KIF26B: variants seen among roughly 807,000 people sequenced by gnomAD.
KIF26B encodes kinesin family member 26B.
Under a neutral mutation model 151.2 loss-of-function variants are expected in KIF26B, and 63 were observed. The observed-to-expected ratio is 0.42, with a 90% CI of 0.34 to 0.51. The LOEUF (loss-of-function observed/expected upper bound fraction) is 0.51. Ranked by LOEUF, KIF26B falls within the 20% of genes least tolerant of loss-of-function variation. KIF26B has a pLI of 0.07. For synonymous variants in KIF26B, 1,357 were observed against 1,262.1 expected (o/e 1.08, Z -1.59); for missense variants, 2,813 against 2,913.6 (o/e 0.97, Z 0.79).
intron 5 of KIF26B, among the ~76,000 whole-genome samples, chr1:245,585,458 G>T (rs2043214795): frequency 6.6e-6 from 1 of 152,020 alleles, no homozygotes; most frequent in Non-Finnish European, 1.5e-5. Context: ...AGAAATGTCT[G>T]TCTAGTCGGT....
At chr1:245,639,361 T>C (rs1373956369) in intron 9 of KIF26B, among the ~76,000 whole-genome samples, 2 of 151,872 alleles carry the variant, frequency 1.3e-5, no homozygotes, top group Admixed American at 1.3e-4. Flanking sequence ...GGGTCTTCTG[T>C]TTTTTCTTAG....
chr1:245,323,941 TATGTGGGTGGTG>T (rs1671934759), intron 2 of KIF26B, among the ~76,000 whole-genome samples: 2 of 129,650 alleles, frequency 1.5e-5, no homozygotes, highest in African/African-American at 2.9e-5. Context: ...GGTAGACCCT[TATGTGGGTGGTG>T]GGAGGTGGAG....
intron 2 of KIF26B, among the ~76,000 whole-genome samples, chr1:245,258,032 A>AG (rs1670571918): frequency 6.6e-6 from 1 of 151,472 alleles, no homozygotes; most frequent in Admixed American, 6.6e-5. Context: ...AAAAAAAAAA[A>AG]TGTTGCTCAG....
At chr1:245,491,223 A>G (rs1660403493) in intron 4 of KIF26B, among the ~76,000 whole-genome samples, 1 of 152,150 alleles carries the variant, frequency 6.6e-6, no homozygotes, top group Non-Finnish European at 1.5e-5. Flanking sequence ...TAGGACCTAA[A>G]AAATTTAGGT....
chr1:245,704,688 C>T lies in KIF26B; in HGVS notation c.*2082C>T, dbSNP rs540646324. 6.6e-6 allele frequency: 1 copy of T among 152,376 alleles called. No homozygotes were observed. The highest frequency in any genetic ancestry group is 1.9e-4 in the East Asian group (1 of 5,178). The allele number at this position is 152,376 out of a possible 1,614,324, so 9.4% of individuals were successfully genotyped here. A position where few individuals can be genotyped will look rare whatever the true frequency, so the allele number is the denominator to read the frequency against. ...ACCTCCCTGAGCTCCTTAACCTTGA[C>T]CCCATTCTGCAGGACAGTCGCATGC... On this transcript the variant is annotated 3_prime_UTR_variant, in exon 15 of 15. Coordinates refer to ENST00000407071, the MANE Select transcript of KIF26B (RefSeq NM_018012.4).
At chr1:245,497,036 G>A (rs575938798) in intron 4 of KIF26B, among the ~76,000 whole-genome samples, 131 of 151,630 alleles carry the variant, frequency 8.6e-4, no homozygotes, top group African/African-American at 2.6e-3. Context: ...GTCTGTAATC[G>A]CAACTACTCG....
In KIF26B at chr1:245,687,727, G is replaced by T; in HGVS notation, c.4744G>T (p.Ala1582Ser). The T allele has an allele frequency of 1.3e-6, 2 of 1,578,304 alleles. No homozygotes were observed. Among genetic ancestry groups the T allele is most frequent in the East Asian group, 2.3e-5 (1 of 42,586 alleles). ...CAAGGCTACCCTGGAGGGGAAGGTGGCTTCCCCCAAGCACTGTGTTCTGGC... is the reference window on the plus strand; with the variant it reads ...CAAGGCTACCCTGGAGGGGAAGGTGTCTTCCCCCAAGCACTGTGTTCTGGC... The part of the protein sequence containing the change: ...PSKATLEGKV[A>S]SPKHCVLARP... Residue 1582 changes from alanine to serine, a missense_variant, in exon 12 of 15, where the codon GCT (alanine) becomes TCT (serine). By Grantham distance (99) the Ala-to-Ser change is moderately conservative. Around this residue, in one of 3 missense-constraint regions of KIF26B, gnomAD observed 2,060 missense variants for 2,088.6 expected, o/e 0.99. Coordinates refer to ENST00000407071, the MANE Select transcript of KIF26B (RefSeq NM_018012.4). The surrounding 1 kb of genome is among the most constrained non-coding windows in gnomAD (Gnocchi z 4.9).
chr1:245,250,249 G>A (rs1414812937), intron 2 of KIF26B, among the ~76,000 whole-genome samples: 3 of 151,990 alleles, frequency 2.0e-5, no homozygotes, highest in Admixed American at 1.3e-4. Context: ...GTAGGTAGGC[G>A]TATTATATAT....
chr1:245,574,656 T>A (rs1460526003), intron 5 of KIF26B, among the ~76,000 whole-genome samples: 1 of 152,098 alleles, frequency 6.6e-6, no homozygotes, highest in Non-Finnish European at 1.5e-5. Context: ...ACTGCTGCTC[T>A]TGCCTGAGTC....
intron 2 of KIF26B, among the ~76,000 whole-genome samples, chr1:245,157,129 T>C (rs1421850323): frequency 1.3e-5 from 2 of 151,972 alleles, no homozygotes; most frequent in African/African-American, 2.4e-5. Flanking sequence ...TGGTCCATCC[T>C]TTCCGCGGTT....
chr1:245,203,689 C>T (rs574601685), intron 2 of KIF26B, among the ~76,000 whole-genome samples: 91 of 152,302 alleles, frequency 6.0e-4, no homozygotes, highest in African/African-American at 2.0e-3. Context: ...GTTTTTGATG[C>T]GCTTCCTCTC....
intron 10 of KIF26B, among the ~76,000 whole-genome samples, chr1:245,653,152 G>A (rs918739950): frequency 1.3e-5 from 2 of 152,172 alleles, no homozygotes; most frequent in South Asian, 4.1e-4. Flanking sequence ...CTGCAGGGGA[G>A]GGACAGGCAG....
At chr1:245,580,747 C>T (rs1049660183) in intron 5 of KIF26B, among the ~76,000 whole-genome samples, 2 of 152,182 alleles carry the variant, frequency 1.3e-5, no homozygotes, top group Non-Finnish European at 2.9e-5. Context: ...CTTAAAAGCC[C>T]TCCTTACTTA....
chr1:245,508,320 A>G (rs1660765670), intron 4 of KIF26B, among the ~76,000 whole-genome samples: 3 of 152,148 alleles, frequency 2.0e-5, no homozygotes, highest in Non-Finnish European at 4.4e-5. Flanking sequence ...GGCTCACTGC[A>G]AGCTCCGCCT....
chr1:245,611,816 G>A lies in KIF26B; in HGVS notation c.1938G>A (p.Arg646=), dbSNP rs1190883972. 1.2e-6 allele frequency: 2 copies of A among 1,613,590 alleles called. No individual in the cohort carries two copies. Among genetic ancestry groups the A allele is most frequent in the East Asian group, 2.2e-5 (1 of 44,876 alleles). ...AGCTGCAGAACCAGAGCGAGCTGCGGGCCCCCACCGCAGAGAAGGCTGCCT... is the reference window on the plus strand; with the variant it reads ...AGCTGCAGAACCAGAGCGAGCTGCGAGCCCCCACCGCAGAGAAGGCTGCCT... ...GTQLQNQSEL[R]APTAEKAAFF... The change falls in exon 9 of 15, where the codon CGG becomes CGA. Residue 646 remains arginine, a synonymous_variant. Transcript: ENST00000407071.
intron 2 of KIF26B, among the ~76,000 whole-genome samples, chr1:245,228,897 C>T (rs974516069): frequency 6.6e-6 from 1 of 152,094 alleles, no homozygotes; most frequent in Non-Finnish European, 1.5e-5. Context: ...TAATCGTAGC[C>T]TGATGGCTTT....
At chr1:245,636,939 C>G (rs1029264891) in intron 9 of KIF26B, among the ~76,000 whole-genome samples, 12 of 151,762 alleles carry the variant, frequency 7.9e-5, no homozygotes, top group Admixed American at 6.6e-4. Context: ...TAGACTGATT[C>G]TATATTTTGG....
intron 2 of KIF26B, among the ~76,000 whole-genome samples, chr1:245,298,651 T>C (rs1671376822): frequency 6.6e-6 from 1 of 152,196 alleles, no homozygotes; most frequent in Non-Finnish European, 1.5e-5. Flanking sequence ...TTGATAACTC[T>C]CATGTTACAT....
intron 4 of KIF26B, among the ~76,000 whole-genome samples, chr1:245,433,956 A>T (rs1418674137): frequency 2.0e-5 from 3 of 152,164 alleles, no homozygotes; most frequent in Non-Finnish European, 4.4e-5. Flanking sequence ...GTGAAAAGGG[A>T]TGTAATCAGT....
Sources: gnomAD v4.1 joint callset for allele counts (sites outside exome capture counted in the v4.1 genomes callset) on GRCh38, gnomAD v4.1.1 for gene constraint, gnomAD v4.1.1 regional missense constraint, Gnocchi (gnomAD v3.1) non-coding constraint, MANE v1.5 for transcripts, NCBI Gene and HGNC (gene_info 2026-07-23, HGNC 2026-07-21) for gene names.